The following GRM7 variants were observed in gnomAD, a reference collection of about 807,000 sequenced individuals.
GRM7 encodes metabotropic glutamate receptor 7.
In GRM7, 35 loss-of-function variants were observed where a neutral mutation model predicts 84.5. That is an observed-to-expected ratio of 0.41 (90% CI 0.32 to 0.55). The LOEUF (loss-of-function observed/expected upper bound fraction) is 0.55, where lower values mean the gene tolerates loss of function less well. Ranked by LOEUF, GRM7 falls within the 20% of genes least tolerant of loss-of-function variation. The pLI is 0.19. For missense variants in GRM7, 1,003 were observed against 1,194.6 expected (o/e 0.84, Z 2.36); for synonymous variants, 487 against 455.1 (o/e 1.07, Z -0.89).
chr3:7,693,830 T>A, intron 9 of GRM7: 1 of 542,904 alleles, frequency 1.8e-6, no homozygotes, highest in Non-Finnish European at 3.3e-6. Flanking sequence ...GCCAGCAACA[T>A]CCTCTTAAAA....
intron 4 of GRM7, among the ~76,000 whole-genome samples, chr3:7,368,188 A>G (rs1024868635): frequency 6.6e-6 from 1 of 152,034 alleles, no homozygotes; most frequent in Non-Finnish European, 1.5e-5. Flanking sequence ...AAAGACTACA[A>G]AGGCATTTCT....
rs34535570 is a variant in GRM7, at chr3:7,359,220, TTGTGTGTG to T, written c.1033+52596_1033+52603del. Among the ~76,000 whole-genome samples, 187 of 133,236 alleles carry T rather than the reference TTGTGTGTG, an allele frequency of 1.4e-3. 14 individuals carry two copies. Among genetic ancestry groups the T allele is most frequent in the African/African-American group, 4.2e-3 (142 of 33,570 alleles). 87.4% of individuals were successfully genotyped at this position (133,236 alleles called of 152,430 possible). A position where few individuals can be genotyped will look rare whatever the true frequency, so the allele number is the denominator to read the frequency against. ...TTACCATTTGGTAGGGTGTTTGTGTTTGTGTGTGTGTGTGTGTGTGTGTGTGTGTGTGT... is the reference window on the plus strand; with the variant it reads ...TTACCATTTGGTAGGGTGTTTGTGTTTGTGTGTGTGTGTGTGTGTGTGTGT... On this transcript the variant is annotated intron_variant, in intron 4 of 9. Transcript: ENST00000357716.
intron 4 of GRM7, among the ~76,000 whole-genome samples, chr3:7,408,755 G>A (rs141029825): frequency 6.6e-6 from 1 of 152,170 alleles, no homozygotes; most frequent in Non-Finnish European, 1.5e-5. Flanking sequence ...GCATAGAGTC[G>A]AGGGTGCAGG....
chr3:7,234,800 C>T (rs1697297577), intron 2 of GRM7, among the ~76,000 whole-genome samples: 1 of 152,044 alleles, frequency 6.6e-6, no homozygotes, highest in Non-Finnish European at 1.5e-5. Flanking sequence ...GGAAAAGATT[C>T]CTGATATTTT....
chr3:7,119,893 C>T (rs1299205815), intron 1 of GRM7, among the ~76,000 whole-genome samples: 1 of 152,096 alleles, frequency 6.6e-6, no homozygotes, highest in Non-Finnish European at 1.5e-5. Flanking sequence ...CTCATTTCCT[C>T]CCATTGTAAT....
intron 9 of GRM7, among the ~76,000 whole-genome samples, chr3:7,688,319 C>T (rs989573188): frequency 6.6e-6 from 1 of 152,154 alleles, no homozygotes; most frequent in East Asian, 1.9e-4. Context: ...AATGAGGTCA[C>T]ATCATGAGAG....
intron 9 of GRM7, among the ~76,000 whole-genome samples, chr3:7,691,543 T>C (rs912838469): frequency 2.6e-5 from 4 of 152,224 alleles, no homozygotes; most frequent in African/African-American, 9.6e-5. Flanking sequence ...TGAGGTACCA[T>C]GGAGGTGGCA....
intron 1 of GRM7, among the ~76,000 whole-genome samples, chr3:6,964,015 T>C (rs1693403226): frequency 6.6e-6 from 1 of 152,182 alleles, no homozygotes; most frequent in Non-Finnish European, 1.5e-5. Context: ...GCTGCCTCCA[T>C]ATTCTCACCA....
At chr3:7,555,374 C>G (rs892322808) in intron 7 of GRM7, among the ~76,000 whole-genome samples, 5 of 152,168 alleles carry the variant, frequency 3.3e-5, no homozygotes, top group Non-Finnish European at 7.4e-5. Flanking sequence ...CCTTTGTTAA[C>G]TGGCTCTATA....
chr3:7,294,034 A>C (rs913388652), intron 2 of GRM7, among the ~76,000 whole-genome samples: 1 of 152,130 alleles, frequency 6.6e-6, no homozygotes, highest in African/African-American at 2.4e-5. Flanking sequence ...TATCCCCATT[A>C]CCACGTTAAT....
At chr3:7,175,983 G>A (rs1695132350) in intron 2 of GRM7, among the ~76,000 whole-genome samples, 1 of 152,064 alleles carries the variant, frequency 6.6e-6, no homozygotes, top group Non-Finnish European at 1.5e-5. Flanking sequence ...GTATGTAAAT[G>A]TTAAAGAGCT....
At chr3:7,196,378 C>T (rs1436435834) in intron 2 of GRM7, among the ~76,000 whole-genome samples, 1 of 152,094 alleles carries the variant, frequency 6.6e-6, no homozygotes, top group African/African-American at 2.4e-5. Flanking sequence ...CTCATCTGGA[C>T]ACCATGGCTC....
intron 4 of GRM7, among the ~76,000 whole-genome samples, chr3:7,381,458 G>A (rs930713002): frequency 6.6e-6 from 1 of 152,062 alleles, no homozygotes; most frequent in Non-Finnish European, 1.5e-5. Flanking sequence ...TATTCTTGGG[G>A]TTTATGGATC....
chr3:7,256,240 A>G (rs528151872), intron 2 of GRM7, among the ~76,000 whole-genome samples: 2 of 152,294 alleles, frequency 1.3e-5, no homozygotes, highest in South Asian at 4.1e-4. Flanking sequence ...TTTTATTTAT[A>G]AGTTTATAGT....
At chr3:7,682,455 G>A (rs1043707437) in intron 9 of GRM7, 6 of 151,134 alleles carry the variant, frequency 4.0e-5, no homozygotes, top group Admixed American at 6.6e-5. Context: ...TATAATTAGT[G>A]GCTTTTTATT....
chr3:7,386,508 A>G (rs1388330210), intron 4 of GRM7, among the ~76,000 whole-genome samples: 1 of 152,150 alleles, frequency 6.6e-6, no homozygotes, highest in Non-Finnish European at 1.5e-5. Context: ...TCCCACTTAT[A>G]AGTGAGAATA....
chr3:7,507,632 T>C (rs2124972946), intron 7 of GRM7, among the ~76,000 whole-genome samples: 1 of 152,340 alleles, frequency 6.6e-6, no homozygotes, highest in South Asian at 2.1e-4. Flanking sequence ...TACTAACTTT[T>C]GATATTCAAG....
chr3:7,511,061 CTAGG>C (rs1026416630), intron 7 of GRM7, among the ~76,000 whole-genome samples: 7 of 152,174 alleles, frequency 4.6e-5, no homozygotes, highest in African/African-American at 1.7e-4. Context: ...GACTTGGACT[CTAGG>C]TAGCAGAAAG....
At chr3:7,132,258 A>T (rs147711016) in intron 1 of GRM7, among the ~76,000 whole-genome samples, 1 of 152,312 alleles carries the variant, frequency 6.6e-6, no homozygotes, top group Admixed American at 6.5e-5. Context: ...TTATGGGTCA[A>T]ATATGCTTTG....
Sources: gnomAD v4.1 joint callset for allele counts (sites outside exome capture counted in the v4.1 genomes callset) on GRCh38, gnomAD v4.1.1 for gene constraint, MANE v1.5 for transcripts, NCBI Gene and HGNC (gene_info 2026-07-23, HGNC 2026-07-21) for gene names.